FBXL13: variants seen among roughly 807,000 people sequenced by gnomAD.
FBXL13 encodes the protein F-box and leucine-rich repeat protein 13.
In FBXL13, 67 loss-of-function variants were observed where a neutral mutation model predicts 83.6. The observed-to-expected ratio is 0.80, with a 90% CI of 0.66 to 0.98. The LOEUF (loss-of-function observed/expected upper bound fraction) is 0.98, where lower values mean the gene tolerates loss of function less well. Among genes scored for constraint, FBXL13 ranks in the 50% least tolerant of loss-of-function variants. The pLI, the probability that FBXL13 is intolerant of heterozygous loss-of-function variation, is 0.00. For missense variants in FBXL13, 822 were observed against 866.5 expected, an observed-to-expected ratio of 0.95 and a Z score of 0.64; for synonymous variants, 272 against 299.5, an observed-to-expected ratio of 0.91 and a Z score of 0.95.
intron 2 of FBXL13, among the ~76,000 whole-genome samples, chr7:103,049,375 T>C (rs1483385422): frequency 1.3e-5 from 2 of 152,252 alleles, no homozygotes; most frequent in Non-Finnish European, 2.9e-5. Context: ...GCTGTTTATA[T>C]TTCCCAAAGA....
intron 16 of FBXL13, among the ~76,000 whole-genome samples, chr7:102,871,470 T>G (rs1213571851): frequency 1.3e-5 from 2 of 151,954 alleles, no homozygotes; most frequent in Non-Finnish European, 2.9e-5. Context: ...ACTGCAGGCT[T>G]GACCTCCCGG....
chr7:102,879,367 G>A (rs1188452136), intron 14 of FBXL13, among the ~76,000 whole-genome samples: 2 of 151,988 alleles, frequency 1.3e-5, no homozygotes, highest in African/African-American at 4.8e-5. Context: ...AGGTGGATGC[G>A]ATGCCTGTGT....
chr7:102,943,587 TATCACAGGCAATCCACTAAG>T (rs1369059976), intron 8 of FBXL13, among the ~76,000 whole-genome samples: 26 of 152,274 alleles, frequency 1.7e-4, no homozygotes, highest in Admixed American at 1.6e-3. Context: ...ATGTGACGCA[TATCACAGGCAATCCACTAAG>T]AGACTGCAAA....
At chr7:102,937,618 A>C (rs141223893) in intron 8 of FBXL13, among the ~76,000 whole-genome samples, 1 of 151,688 alleles carries the variant, frequency 6.6e-6, no homozygotes, top group African/African-American at 2.4e-5. Context: ...TTTACTTTTC[A>C]TTTTTTGTTA....
rs1455187177 is a variant in FBXL13 at position 102,933,891 on chromosome 7, A to G, written c.725-1958T>C. 7 of 1,573,206 alleles carry G rather than the reference A, an allele frequency of 4.4e-6. No homozygotes were observed. The African/African-American group carries it at 6.8e-5, about 15-fold the overall frequency. On this transcript the variant is annotated intron_variant, in intron 8 of 19. Transcript: ENST00000313221. Reference sequence around the variant, plus strand: ...ATTGTTCCGTCTGTAACACGAAGTAATTGGGGCCAGCTGGATGTCAGGATG... The same window carrying G: ...ATTGTTCCGTCTGTAACACGAAGTAGTTGGGGCCAGCTGGATGTCAGGATG...
intron 8 of FBXL13, chr7:102,939,547 T>G (rs1338636802): frequency 1.9e-6 from 3 of 1,613,972 alleles, no homozygotes; most frequent in Admixed American, 1.7e-5. Flanking sequence ...CTGAAGAAAT[T>G]AAACCTCAGC....
intron 8 of FBXL13, among the ~76,000 whole-genome samples, chr7:102,939,112 T>A (rs1034067655): frequency 6.6e-6 from 1 of 152,214 alleles, no homozygotes; most frequent in Admixed American, 6.5e-5. Flanking sequence ...CAAGTCCTGA[T>A]AAACAGGCTG....
intron 6 of FBXL13, among the ~76,000 whole-genome samples, chr7:103,006,500 G>A (rs779426811): frequency 2.8e-4 from 42 of 152,174 alleles, no homozygotes; most frequent in Admixed American, 5.2e-4. Flanking sequence ...ACCCAGAAAT[G>A]TCACATGATA....
intron 18 of FBXL13, among the ~76,000 whole-genome samples, chr7:102,828,881 T>G (rs1301356069): frequency 1.3e-5 from 2 of 152,184 alleles, no homozygotes; most frequent in Non-Finnish European, 2.9e-5. Context: ...CCTTCTCAGA[T>G]GTACTTCACC....
intron 6 of FBXL13, among the ~76,000 whole-genome samples, chr7:102,989,703 T>C (rs1235148975): frequency 6.6e-6 from 1 of 152,218 alleles, no homozygotes; most frequent in African/African-American, 2.4e-5. Flanking sequence ...CCTTTGTCAG[T>C]GATCTTAAGT....
intron 7 of FBXL13, among the ~76,000 whole-genome samples, chr7:102,967,618 T>C (rs1486607001): frequency 6.6e-6 from 1 of 152,176 alleles, no homozygotes; most frequent in Non-Finnish European, 1.5e-5. Flanking sequence ...AAATTATGAG[T>C]TATGAAAAGG....
chr7:102,958,143 C>A (rs533380869), intron 8 of FBXL13, among the ~76,000 whole-genome samples: 10 of 152,224 alleles, frequency 6.6e-5, no homozygotes, highest in African/African-American at 2.4e-4. Flanking sequence ...ACCCAAATGC[C>A]CATCAATGAT....
At chr7:102,874,367 C>T (rs1470902767) in intron 16 of FBXL13, 3 of 985,196 alleles carry the variant, frequency 3.0e-6, no homozygotes, top group Non-Finnish European at 3.6e-6. Context: ...CAATCATTTG[C>T]CTTTTAGTTC....
chr7:102,922,850 T>C lies in FBXL13; in HGVS notation c.878+3424A>G, dbSNP rs559060561. 3.8e-3 allele frequency among the ~76,000 whole-genome samples: 565 copies of C among 150,214 alleles called. 5 individuals are homozygous for C. Among genetic ancestry groups the C allele is most frequent in the African/African-American group, 0.014 (556 of 41,018 alleles). On this transcript the variant is annotated intron_variant, in intron 10 of 19. Transcript: ENST00000313221. ...AAAATTAACTGGGTGTGGTGGTGGG[T>C]GCCTGTAGTCCCAGCTACTCAGGAG... is the stretch of plus-strand genomic sequence containing the variant.
chr7:102,908,033 A>C (rs1281857367), intron 11 of FBXL13, among the ~76,000 whole-genome samples: 1 of 152,222 alleles, frequency 6.6e-6, no homozygotes, highest in Non-Finnish European at 1.5e-5. Context: ...AGAACTAGAA[A>C]AACCATTTGA....
chr7:102,920,985 CTACTAAAAA>C (rs1584943951), intron 10 of FBXL13, among the ~76,000 whole-genome samples: 1 of 151,992 alleles, frequency 6.6e-6, no homozygotes, highest in Non-Finnish European at 1.5e-5. Flanking sequence ...AACCCTGTCG[CTACTAAAAA>C]TACAAATATT....
intron 2 of FBXL13, among the ~76,000 whole-genome samples, chr7:103,043,324 GA>G (rs1461728004): frequency 1.3e-5 from 2 of 152,322 alleles, no homozygotes; most frequent in East Asian, 3.9e-4. Flanking sequence ...GGAAACAACA[GA>G]TGCTGGAGAG....
At chr7:102,991,212 T>G (rs1002615949) in intron 6 of FBXL13, among the ~76,000 whole-genome samples, 3 of 152,208 alleles carry the variant, frequency 2.0e-5, no homozygotes, top group African/African-American at 7.2e-5. Flanking sequence ...AAGTCAAAGA[T>G]ATTTCCAAAT....
At chr7:102,941,696 G>T (rs2129475550) in intron 8 of FBXL13, among the ~76,000 whole-genome samples, 1 of 150,672 alleles carries the variant, frequency 6.6e-6, no homozygotes, top group South Asian at 2.1e-4. Flanking sequence ...TCATCCACAA[G>T]CAAAACTGTA....
Sources: allele counts gnomAD v4.1 joint callset (sites outside exome capture counted in the v4.1 genomes callset), GRCh38; gene constraint gnomAD v4.1.1; transcripts MANE v1.5; gene names NCBI Gene and HGNC (gene_info 2026-07-23, HGNC 2026-07-21).